The following CEP128 variants were observed in gnomAD, a reference collection of about 807,000 sequenced individuals.
The protein encoded by CEP128 is centrosomal protein 128.
In CEP128, 132 loss-of-function variants were observed where a neutral mutation model predicts 156.7. The observed-to-expected ratio is 0.84, with a 90% CI of 0.73 to 0.97. The LOEUF (loss-of-function observed/expected upper bound fraction) is 0.97. Among genes scored for constraint, CEP128 ranks in the 50% least tolerant of loss-of-function variants. The pLI is 0.00. For synonymous variants in CEP128, 469 were observed against 448.9 expected, an observed-to-expected ratio of 1.04 and a Z score of -0.57; for missense variants, 1,252 against 1,281.9, an observed-to-expected ratio of 0.98 and a Z score of 0.36.
chr14:80,780,471 GA>G, intron 15 of CEP128, among the ~76,000 whole-genome samples: 1 of 152,014 alleles, frequency 6.6e-6, no homozygotes, highest in East Asian at 1.9e-4. Flanking sequence ...TCCAACTCTA[GA>G]GCAACTTCAA....
At position 80,706,555 on chromosome 14, in the gene CEP128, C is replaced by A. The variant is rs1897246247; in HGVS notation, c.2806+36520G>T. On this transcript the variant is annotated intron_variant, in intron 19 of 24. Transcript: ENST00000555265. ...TGCTGTTGCCCTATTAGTAAGCTGT[C>A]ATTTATCTCTGCTGTCAATATTTTT... Among the ~76,000 whole-genome samples the A allele has an allele frequency of 3.3e-5, 5 of 152,100 alleles. 1 individual carries two copies. In the South Asian group the frequency reaches 1.0e-3, roughly 32 times the overall value.
intron 16 of CEP128, among the ~76,000 whole-genome samples, chr14:80,765,020 C>A (rs1263889992): frequency 6.6e-6 from 1 of 152,176 alleles, no homozygotes; most frequent in Non-Finnish European, 1.5e-5. Context: ...CCCCCTCATC[C>A]AACAAATATT....
chr14:80,765,863 T>C (rs984280781), intron 16 of CEP128, among the ~76,000 whole-genome samples: 9 of 152,220 alleles, frequency 5.9e-5, no homozygotes, highest in African/African-American at 2.2e-4. Context: ...ATCCCCTGAC[T>C]AGTCTTCTCT....
chr14:80,933,556 C>A (rs998279122), intron 2 of CEP128, among the ~76,000 whole-genome samples: 1 of 152,160 alleles, frequency 6.6e-6, no homozygotes, highest in African/African-American at 2.4e-5. Context: ...AATGGGGTAG[C>A]TTGATTTGAC....
At chr14:80,779,314 A>G (rs1900972868) in intron 15 of CEP128, among the ~76,000 whole-genome samples, 1 of 152,154 alleles carries the variant, frequency 6.6e-6, no homozygotes, top group Non-Finnish European at 1.5e-5. Context: ...TTTTAGACAA[A>G]ATCTTTATTT....
intron 24 of CEP128, among the ~76,000 whole-genome samples, chr14:80,503,793 T>C (rs933688288): frequency 1.3e-5 from 2 of 152,178 alleles, no homozygotes; most frequent in East Asian, 3.8e-4. Flanking sequence ...CTTATGTAGA[T>C]ACAAAATCAC....
At chr14:80,840,420 T>C (rs1886294643) in intron 10 of CEP128, among the ~76,000 whole-genome samples, 1 of 152,176 alleles carries the variant, frequency 6.6e-6, no homozygotes, top group African/African-American at 2.4e-5. Flanking sequence ...CTTTAAATGT[T>C]TCCAACAAGA....
At chr14:80,912,347 TATATC>T (rs1884285343) in intron 4 of CEP128, among the ~76,000 whole-genome samples, 1 of 152,176 alleles carries the variant, frequency 6.6e-6, no homozygotes, top group African/African-American at 2.4e-5. Context: ...TGCTATGGAA[TATATC>T]ATACCTCAAA....
intron 19 of CEP128, among the ~76,000 whole-genome samples, chr14:80,599,340 T>C (rs1208324736): frequency 2.1e-5 from 3 of 145,182 alleles, no homozygotes; most frequent in Non-Finnish European, 4.5e-5. Context: ...CGGCTTGATC[T>C]CGGCTCACCG....
chr14:80,954,227 G>T (rs1056167480), intron 2 of CEP128, among the ~76,000 whole-genome samples: 6 of 151,928 alleles, frequency 3.9e-5, no homozygotes, highest in African/African-American at 1.5e-4. Flanking sequence ...CCGAGATCGC[G>T]CCATTGCACT....
chr14:80,793,331 T>C (rs1196387029), intron 13 of CEP128, among the ~76,000 whole-genome samples: 1 of 152,234 alleles, frequency 6.6e-6, no homozygotes, highest in Non-Finnish European at 1.5e-5. Flanking sequence ...TTGGACTATT[T>C]TATCATCCAA....
At chr14:80,953,734 A>G (rs982507948) in intron 2 of CEP128, among the ~76,000 whole-genome samples, 10 of 152,146 alleles carry the variant, frequency 6.6e-5, no homozygotes, top group African/African-American at 2.4e-4. Flanking sequence ...CAAGATTTAA[A>G]ACAGTTTTAT....
chr14:80,797,239 G>T (rs182136201), intron 13 of CEP128, among the ~76,000 whole-genome samples: 3 of 152,250 alleles, frequency 2.0e-5, no homozygotes, highest in African/African-American at 7.2e-5. Flanking sequence ...CAGAGCTTAC[G>T]CAGGCAAACT....
intron 19 of CEP128, among the ~76,000 whole-genome samples, chr14:80,657,536 A>T: frequency 6.6e-6 from 1 of 152,026 alleles, no homozygotes; most frequent in East Asian, 1.9e-4. Context: ...CTGTAATCCC[A>T]GGTACTCGGG....
chr14:80,599,350 G>A (rs545360677), intron 19 of CEP128, among the ~76,000 whole-genome samples: 9 of 133,040 alleles, frequency 6.8e-5, no homozygotes, highest in Middle Eastern at 5.0e-3. Context: ...TCGGCTCACC[G>A]CAAGCTCTGC....
intron 8 of CEP128, among the ~76,000 whole-genome samples, chr14:80,873,780 G>T (rs1259186578): frequency 3.9e-5 from 6 of 152,010 alleles, no homozygotes; most frequent in Non-Finnish European, 8.8e-5. Context: ...TTATGGGGGC[G>T]GGTCTTTCCT....
At chr14:80,751,753 C>T (rs959953901) in intron 18 of CEP128, among the ~76,000 whole-genome samples, 7 of 151,890 alleles carry the variant, frequency 4.6e-5, no homozygotes, top group Non-Finnish European at 7.4e-5. Context: ...CCTCAGCAAC[C>T]GAAGTAGCTG....
chr14:80,828,123 C>CTTTTTTTTTTTT (rs1008856396), intron 13 of CEP128, among the ~76,000 whole-genome samples: 3 of 126,968 alleles, frequency 2.4e-5, no homozygotes, highest in African/African-American at 9.4e-5. Context: ...CTTCTTTTTT[C>CTTTTTTTTTTTT]TTTTTTTTTT....
intron 19 of CEP128, among the ~76,000 whole-genome samples, chr14:80,660,085 C>A (rs721867): frequency 3.9e-5 from 6 of 151,938 alleles, no homozygotes; most frequent in Admixed American, 1.3e-4. Flanking sequence ...CTTCTGTGTA[C>A]GCAAAGGTAT....
Sources: gnomAD v4.1 joint callset for allele counts (sites outside exome capture counted in the v4.1 genomes callset) on GRCh38, gnomAD v4.1.1 for gene constraint, MANE v1.5 for transcripts, NCBI Gene and HGNC (gene_info 2026-07-23, HGNC 2026-07-21) for gene names.